Variants in RAB33A observed in about 807,000 individuals in gnomAD.
The protein encoded by RAB33A is ras-related protein Rab-33A.
RAB33A carries 6 observed loss-of-function variants against 12.0 expected under a neutral mutation model. The observed-to-expected ratio is 0.50, with a 90% CI of 0.27 to 0.99. The LOEUF (loss-of-function observed/expected upper bound fraction) is 0.99, where lower values mean the gene tolerates loss of function less well. Ranked by LOEUF, RAB33A falls within the 50% of genes least tolerant of loss-of-function variation. The pLI is 0.11. For missense variants in RAB33A, 109 were observed against 192.0 expected (o/e 0.57, Z 2.55); for synonymous variants, 70 against 82.4 (o/e 0.85, Z 0.81).
At position 130,172,411 on chromosome X, in the gene RAB33A, C is replaced by T; in HGVS notation, c.258+91C>T. 1.8e-5 allele frequency: 20 copies of T among 1,081,667 alleles called. No homozygotes were observed. In the South Asian group the frequency reaches 2.7e-4, roughly 14 times the overall value. The allele number at this position is 1,081,667 out of a possible 1,213,427, so 89.1% of individuals were successfully genotyped here. ...CTAGCGGTTGTCGTCGTCCAGCGTC[C>T]AGCGCGTGGCGGTTTCGCCTCTTGC... On this transcript the variant is annotated intron_variant, in intron 1 of 1. Coordinates refer to ENST00000257017, the MANE Select transcript of RAB33A (RefSeq NM_004794.3).
the RAB33A span, chrX:130,145,404 T>C: frequency 2.5e-6 from 2 of 794,254 alleles, no homozygotes; most frequent in Non-Finnish European, 3.9e-6. Flanking sequence ...TAAATGGTAA[T>C]GGAAACACAC....
intron 1 of RAB33A, among the ~76,000 whole-genome samples, chrX:130,175,453 C>T (rs2031654486): frequency 9.3e-6 from 1 of 107,553 alleles, no homozygotes; most frequent in African/African-American, 3.4e-5. Flanking sequence ...ATGTCTCCTT[C>T]AATTTGTATC....
At chrX:130,166,498 T>C in the RAB33A span, among the ~76,000 whole-genome samples, 1 of 112,355 alleles carries the variant, frequency 8.9e-6, no homozygotes. Flanking sequence ...AGAAGTCTGC[T>C]AAGCAGAACT....
the RAB33A span, among the ~76,000 whole-genome samples, chrX:130,123,591 G>A: frequency 1.2e-4 from 13 of 108,070 alleles, no homozygotes; most frequent in Non-Finnish European, 2.5e-4. Flanking sequence ...CAGCTATTCG[G>A]GAGGCTGAGG....
the RAB33A span, among the ~76,000 whole-genome samples, chrX:130,124,558 G>A: frequency 8.9e-6 from 1 of 111,829 alleles, no homozygotes; most frequent in Admixed American, 9.5e-5. Context: ...AAAGACACAG[G>A]ACTAGGTGAA....
rs775833253 is a variant in RAB33A at position 130,184,463 on chromosome X, A to G, written c.437A>G (p.Lys146Arg). ...NGHAVPPLVP[K>R]VLVGNKCDLR... Reference sequence around the variant, plus strand: ...CATGCTGTGCCCCCACTAGTCCCCAAAGTGCTTGTGGGCAACAAGTGTGAC... The same window carrying G: ...CATGCTGTGCCCCCACTAGTCCCCAGAGTGCTTGTGGGCAACAAGTGTGAC... Residue 146 changes from lysine to arginine, a missense_variant, in exon 2 of 2, where the codon AAA becomes AGA. Lys to Arg is a conservative substitution (Grantham distance 26, BLOSUM62 2). Coordinates refer to ENST00000257017, the MANE Select transcript of RAB33A (RefSeq NM_004794.3). The G allele has an allele frequency of 1.7e-5, 20 of 1,211,913 alleles. No homozygotes were observed. Among genetic ancestry groups the G allele is most frequent in the Admixed American group, 8.7e-5 (4 of 46,084 alleles).
chrX:130,169,125 G>A (rs781697567), upstream of RAB33A, among the ~76,000 whole-genome samples: 8 of 107,926 alleles, frequency 7.4e-5, no homozygotes, highest in South Asian at 4.2e-4. Context: ...GGAGAATGGC[G>A]TGAACCTGGG....
chrX:130,143,165 T>C, the RAB33A span, among the ~76,000 whole-genome samples: 2 of 111,309 alleles, frequency 1.8e-5, no homozygotes, highest in Non-Finnish European at 3.8e-5. Context: ...CCAGATCAGT[T>C]CTCCCTGGGA....
the RAB33A span, among the ~76,000 whole-genome samples, chrX:130,122,445 TATG>T: frequency 7.1e-5 from 8 of 112,540 alleles, no homozygotes; most frequent in East Asian, 8.4e-4. Context: ...CTTTTGTCTG[TATG>T]ATAAGAGCCA....
At chrX:130,166,440 G>A in the RAB33A span, among the ~76,000 whole-genome samples, 1 of 112,278 alleles carries the variant, frequency 8.9e-6, no homozygotes, top group Non-Finnish European at 1.9e-5. Context: ...GTGCTTGGGA[G>A]CAGGATGTTA....
the RAB33A span, among the ~76,000 whole-genome samples, chrX:130,127,577 ATCTTT>A: frequency 9.1e-6 from 1 of 109,930 alleles, no homozygotes. Flanking sequence ...TCACAATTTG[ATCTTT>A]TCTTAATGAT....
the RAB33A span, among the ~76,000 whole-genome samples, chrX:130,142,224 G>A: frequency 6.3e-5 from 7 of 111,658 alleles, no homozygotes; most frequent in African/African-American, 2.3e-4. Flanking sequence ...GGGAACATAT[G>A]ACATGTGCAA....
At chrX:130,154,044 A>G in the RAB33A span, among the ~76,000 whole-genome samples, 2 of 112,684 alleles carry the variant, frequency 1.8e-5, no homozygotes, top group African/African-American at 6.4e-5. Context: ...CAAGTTTTCA[A>G]TAATTTAGAA....
chrX:130,150,112 T>A, the RAB33A span, among the ~76,000 whole-genome samples: 3 of 111,132 alleles, frequency 2.7e-5, no homozygotes, highest in Non-Finnish European at 1.9e-5. Flanking sequence ...CAATGGTCTA[T>A]CCTTTTCTTA....
chrX:130,137,558 T>G, the RAB33A span: 1 of 1,161,980 alleles, frequency 8.6e-7, no homozygotes, highest in Non-Finnish European at 1.1e-6. Context: ...CTAGTTGCCA[T>G]GAAACATTCC....
chrX:130,161,848 C>G, the RAB33A span, among the ~76,000 whole-genome samples: 1 of 111,509 alleles, frequency 9.0e-6, no homozygotes, highest in Non-Finnish European at 1.9e-5. Flanking sequence ...CTCAAGTGAT[C>G]TGCCCACCTT....
chrX:130,147,108 GC>G, the RAB33A span, among the ~76,000 whole-genome samples: 1 of 111,798 alleles, frequency 8.9e-6, no homozygotes, highest in Non-Finnish European at 1.9e-5. Flanking sequence ...GTTGCAGTGA[GC>G]TGAGATTGCG....
the RAB33A span, chrX:130,145,639 T>G: frequency 1.2e-6 from 1 of 848,650 alleles, no homozygotes; most frequent in Non-Finnish European, 1.7e-6. Context: ...GTAGCTTTAA[T>G]AAAACTGTTT....
At chrX:130,182,183 C>T (rs1387259086) in intron 1 of RAB33A, among the ~76,000 whole-genome samples, 1 of 68,374 alleles carries the variant, frequency 1.5e-5, no homozygotes, top group Non-Finnish European at 2.9e-5. Context: ...TATATATATA[C>T]ACATATATAT....
Sources: allele counts gnomAD v4.1 joint callset (sites outside exome capture counted in the v4.1 genomes callset), GRCh38; gene constraint gnomAD v4.1.1; transcripts MANE v1.5; gene names NCBI Gene and HGNC (gene_info 2026-07-23, HGNC 2026-07-21).